Variants in NUDCD3 observed in about 807,000 individuals in gnomAD.
The protein encoded by NUDCD3 is nudC domain-containing protein 3.
NUDCD3 carries 13 observed loss-of-function variants against 39.7 expected under a neutral mutation model. The observed-to-expected ratio is 0.33, with a 90% CI of 0.21 to 0.52. NUDCD3 has a LOEUF of 0.52. Ranked by LOEUF, NUDCD3 falls within the 20% of genes least tolerant of loss-of-function variation. The pLI is 0.96. For missense variants in NUDCD3, 453 were observed against 458.1 expected, an observed-to-expected ratio of 0.99 and a Z score of 0.10; for synonymous variants, 175 against 172.4, an observed-to-expected ratio of 1.02 and a Z score of -0.12.
intron 5 of NUDCD3, among the ~76,000 whole-genome samples, chr7:44,390,426 G>A (rs950197108): frequency 6.6e-6 from 1 of 152,026 alleles, no homozygotes; most frequent in Non-Finnish European, 1.5e-5. Flanking sequence ...TTTGACAAAC[G>A]CACAAATACC....
rs139620114 is a variant in NUDCD3 at position 44,451,598 on chromosome 7, A to T, written c.510-23895T>A. ...AATATAATCTATCGTGACAGAAAAC[A>T]GAGCCGTGGTTGCCTAAGGATGGGA... On this transcript the variant is annotated intron_variant, in intron 2 of 5. Coordinates refer to ENST00000355451, the MANE Select transcript of NUDCD3 (RefSeq NM_015332.4). Among the ~76,000 whole-genome samples the T allele has an allele frequency of 2.7e-4, 41 of 152,290 alleles. No homozygotes were observed. The East Asian group carries it at 6.9e-3, about 26-fold the overall frequency.
intron 2 of NUDCD3, among the ~76,000 whole-genome samples, chr7:44,459,800 T>C (rs1350849302): frequency 1.3e-5 from 2 of 152,202 alleles, no homozygotes; most frequent in Non-Finnish European, 1.5e-5. Context: ...TGTAACTGAA[T>C]TTAATGACAG....
intron 4 of NUDCD3, among the ~76,000 whole-genome samples, chr7:44,394,956 A>C (rs1798596270): frequency 6.6e-6 from 1 of 152,214 alleles, no homozygotes; most frequent in South Asian, 2.1e-4. Context: ...GCCCAACAGG[A>C]AGGAGGGGAA....
intron 3 of NUDCD3, 95 bp from the exon 4 acceptor site, chr7:44,404,678 T>G (rs1272935169): frequency 1.5e-6 from 2 of 1,341,558 alleles, no homozygotes; most frequent in East Asian, 4.6e-5. Context: ...GGTACCTGAC[T>G]GCACACTACA....
chr7:44,465,893 G>A lies in NUDCD3; in HGVS notation c.509+19075C>T, dbSNP rs116051446. Among the ~76,000 whole-genome samples the A allele has an allele frequency of 5.8e-3, 887 of 152,280 alleles. 8 individuals carry two copies. The highest frequency in any genetic ancestry group is 0.02 in the African/African-American group (835 of 41,552). On this transcript the variant is annotated intron_variant, in intron 2 of 5. Transcript: ENST00000355451. ...TTTACGGAAAAATAGGAAGTTCCAG[G>A]GTAAAAGGGGTGCAAGAGAGTCAAA...
chr7:44,411,000 A>G (rs1798912755), intron 3 of NUDCD3, among the ~76,000 whole-genome samples: 1 of 152,196 alleles, frequency 6.6e-6, no homozygotes, highest in Non-Finnish European at 1.5e-5. Context: ...TATATTTATG[A>G]TCAATTGATT....
intron 2 of NUDCD3, among the ~76,000 whole-genome samples, chr7:44,464,728 A>G (rs1303500163): frequency 1.3e-5 from 2 of 152,232 alleles, no homozygotes; most frequent in African/African-American, 4.8e-5. Context: ...GGCTAGGATT[A>G]CAGGTGTGAG....
chr7:44,436,522 G>C (rs541963195), intron 2 of NUDCD3, among the ~76,000 whole-genome samples: 68 of 152,298 alleles, frequency 4.5e-4, no homozygotes, highest in South Asian at 1.0e-3. Context: ...CAGAGGGATT[G>C]CCCCAATTTA....
chr7:44,461,844 G>A (rs1273291940), intron 2 of NUDCD3, among the ~76,000 whole-genome samples: 1 of 152,076 alleles, frequency 6.6e-6, no homozygotes, highest in Admixed American at 6.5e-5. Context: ...ATGGGTGCAG[G>A]GCCACAGAAG....
intron 2 of NUDCD3, among the ~76,000 whole-genome samples, chr7:44,430,225 GCCCCTGT>G (rs979705753): frequency 7.2e-5 from 11 of 152,284 alleles, no homozygotes; most frequent in African/African-American, 2.6e-4. Flanking sequence ...GCACCCTGCA[GCCCCTGT>G]ACCCAGGTGC....
At chr7:44,387,259 C>G (rs1044516792) in intron 5 of NUDCD3, among the ~76,000 whole-genome samples, 1 of 152,206 alleles carries the variant, frequency 6.6e-6, no homozygotes, top group South Asian at 2.1e-4. Context: ...CTCCTGGGCT[C>G]AAGCGATCCT....
chr7:44,428,897 T>C (rs1301021317), intron 2 of NUDCD3, among the ~76,000 whole-genome samples: 1 of 152,184 alleles, frequency 6.6e-6, no homozygotes, highest in African/African-American at 2.4e-5. Context: ...CTCCAGGGCC[T>C]GCTCAGAGAT....
chr7:44,453,127 C>T (rs989535513), intron 2 of NUDCD3, among the ~76,000 whole-genome samples: 2 of 151,900 alleles, frequency 1.3e-5, no homozygotes, highest in African/African-American at 4.8e-5. Flanking sequence ...CTGAGGGGGG[C>T]GGATCACCTG....
intron 2 of NUDCD3, among the ~76,000 whole-genome samples, chr7:44,452,626 T>C (rs1268723097): frequency 2.0e-5 from 3 of 152,166 alleles, no homozygotes; most frequent in African/African-American, 7.2e-5. Flanking sequence ...CGTACCTCCT[T>C]CTAAATGTTT....
Position 44,385,829 on chromosome 7 carries a change from C to T in NUDCD3, c.*182G>A. ...GGCCACCACATAGCAGCTGGCCCCG[C>T]ACCTTCTCTGGAACAGTCTGGAGAT... On this transcript the variant is annotated 3_prime_UTR_variant, in exon 6 of 6. Transcript: ENST00000355451. The T allele has an allele frequency of 1.7e-6, 1 of 587,650 alleles. No individual in the cohort carries two copies. Among genetic ancestry groups the T allele is most frequent in the South Asian group, 2.1e-5 (1 of 48,026 alleles). The allele number at this position is 587,650 out of a possible 1,614,324, so 36.4% of individuals were successfully genotyped here.
At chr7:44,425,060 C>A (rs538434504) in intron 3 of NUDCD3, among the ~76,000 whole-genome samples, 56 of 152,266 alleles carry the variant, frequency 3.7e-4, no homozygotes, top group South Asian at 1.5e-3. Context: ...CCAAACACTG[C>A]ATGTTCTCAC....
chr7:44,414,542 T>G (rs1263875860), intron 3 of NUDCD3, among the ~76,000 whole-genome samples: 3 of 152,114 alleles, frequency 2.0e-5, no homozygotes, highest in Non-Finnish European at 4.4e-5. Context: ...TGTTGAAATA[T>G]CCCCAAAACC....
chr7:44,392,191 C>T (rs994041941), intron 5 of NUDCD3, 106 bp downstream of exon 5: 12 of 1,134,356 alleles, frequency 1.1e-5, no homozygotes, highest in Middle Eastern at 2.8e-4. Flanking sequence ...AGCTGGTCCA[C>T]ACAACCTTCT....
chr7:44,415,102 G>A (rs1798995886), intron 3 of NUDCD3, among the ~76,000 whole-genome samples: 1 of 152,228 alleles, frequency 6.6e-6, no homozygotes, highest in Non-Finnish European at 1.5e-5. Context: ...GGGTGGAGGT[G>A]ACGGGACCTT....
Sources: gnomAD v4.1 joint callset for allele counts (sites outside exome capture counted in the v4.1 genomes callset) on GRCh38, gnomAD v4.1.1 for gene constraint, MANE v1.5 for transcripts, NCBI Gene and HGNC (gene_info 2026-07-23, HGNC 2026-07-21) for gene names.